Variants in USP39 observed in about 807,000 individuals in gnomAD.
USP39 encodes the protein ubiquitin carboxyl-terminal hydrolase 39.
In USP39, 38 loss-of-function variants were observed where a neutral mutation model predicts 66.4. The observed-to-expected ratio is 0.57, with a 90% CI of 0.44 to 0.75. The LOEUF is 0.75. Among genes scored for constraint, USP39 ranks in the 30% least tolerant of loss-of-function variants. The pLI, the probability that USP39 is intolerant of heterozygous loss-of-function variation, is 0.00. For synonymous variants in USP39, 303 were observed against 274.6 expected, an observed-to-expected ratio of 1.10 and a Z score of -1.02; for missense variants, 608 against 714.4, an observed-to-expected ratio of 0.85 and a Z score of 1.70.
rs1173800563 is a variant in USP39 at position 85,640,972 on chromosome 2, C to A, written c.1285-4C>A. The A allele has an allele frequency of 6.3e-7, 1 of 1,598,202 alleles. No homozygotes were observed. Among genetic ancestry groups the A allele is most frequent in the East Asian group, 2.2e-5 (1 of 44,760 alleles). On this transcript the variant is annotated splice_region_variant and splice_polypyrimidine_tract_variant and intron_variant, in intron 9 of 12. Coordinates refer to ENST00000323701, the MANE Select transcript of USP39 (RefSeq NM_006590.4). Reference sequence around the variant, plus strand: ...AATTTGAGAATTTTCTTTTCTTTCTCTAGGAATATAAGACTTACAAGGAGA... The same window carrying A: ...AATTTGAGAATTTTCTTTTCTTTCTATAGGAATATAAGACTTACAAGGAGA...
intron 4 of USP39, among the ~76,000 whole-genome samples, chr2:85,624,468 C>A (rs1674700206): frequency 6.6e-6 from 1 of 151,914 alleles, no homozygotes; most frequent in South Asian, 2.1e-4. Flanking sequence ...ACTTCAGCTT[C>A]CCAAGTAGCT....
upstream of USP39, among the ~76,000 whole-genome samples, chr2:85,613,716 T>C (rs1195828590): frequency 6.6e-6 from 1 of 152,174 alleles, no homozygotes; most frequent in Non-Finnish European, 1.5e-5. Context: ...CAGTTGATTT[T>C]TGTGGGGGTT....
At chr2:85,640,233 G>T (rs1014794433) in intron 9 of USP39, among the ~76,000 whole-genome samples, 1 of 151,610 alleles carries the variant, frequency 6.6e-6, no homozygotes, top group African/African-American at 2.4e-5. Flanking sequence ...CTCTGGGGTA[G>T]TATAGAGAAA....
chr2:85,635,541 C>A (rs1225360336), intron 6 of USP39, among the ~76,000 whole-genome samples: 1 of 151,986 alleles, frequency 6.6e-6, no homozygotes, highest in African/African-American at 2.4e-5. Flanking sequence ...GCCTGGGCGA[C>A]AGAGTGAGAC....
chr2:85,636,860 T>G (rs1675815665), intron 7 of USP39, among the ~76,000 whole-genome samples: 1 of 152,216 alleles, frequency 6.6e-6, no homozygotes, highest in Non-Finnish European at 1.5e-5. Flanking sequence ...CAGCCTGTGT[T>G]AACCCTCTGA....
chr2:85,641,693 G>A (rs2104345638), intron 10 of USP39, among the ~76,000 whole-genome samples: 1 of 152,122 alleles, frequency 6.6e-6, no homozygotes, highest in South Asian at 2.1e-4. Context: ...CTTGAGCTCA[G>A]GAGTTCAAGA....
At chr2:85,605,648 T>C (rs1199285154) in intron 1 of USP39, among the ~76,000 whole-genome samples, 1 of 152,226 alleles carries the variant, frequency 6.6e-6, no homozygotes, top group African/African-American at 2.4e-5. Context: ...GAAAATAATC[T>C]GTACTTATTC....
At chr2:85,637,701 GCTTT>G (rs1169375871) in intron 8 of USP39, among the ~76,000 whole-genome samples, 1 of 152,146 alleles carries the variant, frequency 6.6e-6, no homozygotes, top group East Asian at 1.9e-4. Flanking sequence ...GCTCAGCTAA[GCTTT>G]CTTTTTGTTT....
At chr2:85,623,118 A>G (rs1157068545) in intron 3 of USP39, among the ~76,000 whole-genome samples, 1 of 152,182 alleles carries the variant, frequency 6.6e-6, no homozygotes, top group Non-Finnish European at 1.5e-5. Flanking sequence ...TAGAATTTGA[A>G]TGGTTAAGGG....
At chr2:85,642,788 C>A (rs1026712316) in intron 10 of USP39, among the ~76,000 whole-genome samples, 3 of 152,104 alleles carry the variant, frequency 2.0e-5, no homozygotes, top group Non-Finnish European at 2.9e-5. Flanking sequence ...CATAACACAT[C>A]CTGTTTTTGT....
upstream of USP39, chr2:85,608,826 A>G: frequency 1.4e-6 from 2 of 1,388,380 alleles, no homozygotes; most frequent in Non-Finnish European, 2.0e-6. Context: ...CTATGGATGC[A>G]GCAGCTCTGG....
intron 6 of USP39, 90 bp from the exon 7 acceptor site, chr2:85,635,960 AGGG>A: frequency 8.4e-7 from 1 of 1,186,482 alleles, no homozygotes; most frequent in South Asian, 1.2e-5. Context: ...CCAGAGAGGA[AGGG>A]GGAGAACCAG....
At chr2:85,644,623 A>G (rs1676502140) in intron 10 of USP39, among the ~76,000 whole-genome samples, 2 of 151,548 alleles carry the variant, frequency 1.3e-5, no homozygotes, top group South Asian at 4.2e-4. Flanking sequence ...GGGTCTCACT[A>G]CATTGCCCAG....
chr2:85,619,094 T>C, intron 1 of USP39, 126 bp from the exon 2 acceptor site: 2 of 1,111,454 alleles, frequency 1.8e-6, no homozygotes, highest in Non-Finnish European at 2.6e-6. Context: ...TTCGATATTG[T>C]TGCCACCCAA....
intron 4 of USP39, 64 bp downstream of exon 4, chr2:85,623,846 G>A (rs1361568600): frequency 6.6e-7 from 1 of 1,512,628 alleles, no homozygotes; most frequent in African/African-American, 1.4e-5. Flanking sequence ...GGCTCCCAGG[G>A]GACTGCCCCA....
chr2:85,620,233 C>G (rs112297285), intron 2 of USP39, among the ~76,000 whole-genome samples: 11,637 of 151,844 alleles, frequency 0.077, 1,503 homozygotes, highest in African/African-American at 0.27. Flanking sequence ...GTAATCCCAG[C>G]ACTTTGGGAG....
chr2:85,643,589 T>C (rs1255259597), intron 10 of USP39, among the ~76,000 whole-genome samples: 2 of 151,690 alleles, frequency 1.3e-5, no homozygotes. Flanking sequence ...AGTCAGCCTT[T>C]AGTAGCAGGA....
intron 9 of USP39, among the ~76,000 whole-genome samples, chr2:85,640,292 T>C (rs1032953703): frequency 2.8e-5 from 4 of 141,214 alleles, no homozygotes; most frequent in Non-Finnish European, 4.7e-5. Flanking sequence ...GGAGACATAC[T>C]TTTTTTTTTT....
At chr2:85,645,277 CT>C (rs61391085) in intron 11 of USP39, 194 bp downstream of exon 11, 73,885 of 365,434 alleles carry the variant, frequency 0.2, 972 homozygotes, top group African/African-American at 0.27. Flanking sequence ...ACCTTGGGAG[CT>C]TTTTTTTTTT....
Sources: gnomAD v4.1 joint callset for allele counts (sites outside exome capture counted in the v4.1 genomes callset) on GRCh38, gnomAD v4.1.1 for gene constraint, MANE v1.5 for transcripts, NCBI Gene and HGNC (gene_info 2026-07-23, HGNC 2026-07-21) for gene names.